Variants in CTNNA3 observed in about 807,000 individuals in gnomAD.
The protein encoded by CTNNA3 is catenin alpha-3.
A neutral mutation model predicts 95.7 loss-of-function variants in CTNNA3; 76 were observed. That is an observed-to-expected ratio of 0.79 (90% CI 0.66 to 0.96). The LOEUF is 0.96. Ranked by LOEUF, CTNNA3 falls within the 40% of genes least tolerant of loss-of-function variation. The pLI, the probability that CTNNA3 is intolerant of heterozygous loss-of-function variation, is 0.00. For synonymous variants in CTNNA3, 431 were observed against 374.4 expected (o/e 1.15, Z -1.74); for missense variants, 1,191 against 1,089.8 (o/e 1.09, Z -1.31).
At chr10:67,417,674 C>T (rs1309430503) in intron 5 of CTNNA3, among the ~76,000 whole-genome samples, 1 of 151,302 alleles carries the variant, frequency 6.6e-6, no homozygotes, top group Non-Finnish European at 1.5e-5. Context: ...AATTTAAATC[C>T]AATTTAAATT....
chr10:66,201,637 C>T (rs997209387), intron 13 of CTNNA3, among the ~76,000 whole-genome samples: 9 of 152,046 alleles, frequency 5.9e-5, no homozygotes, highest in Non-Finnish European at 1.0e-4. Context: ...TACGGTAATA[C>T]CCTTATTTCT....
intron 5 of CTNNA3, among the ~76,000 whole-genome samples, chr10:67,344,893 A>T (rs1157646851): frequency 6.6e-5 from 10 of 151,142 alleles, no homozygotes; most frequent in Non-Finnish European, 1.0e-4. Context: ...TGGGGTTTGC[A>T]TTTTCTCTCA....
At chr10:67,470,244 T>C (rs1193179346) in intron 5 of CTNNA3, among the ~76,000 whole-genome samples, 3 of 152,190 alleles carry the variant, frequency 2.0e-5, no homozygotes, top group Non-Finnish European at 4.4e-5. Context: ...CATAATAACC[T>C]CCAGTCCCAA....
intron 7 of CTNNA3, among the ~76,000 whole-genome samples, chr10:66,832,228 T>G (rs1178715951): frequency 6.6e-6 from 1 of 152,176 alleles, no homozygotes; most frequent in African/African-American, 2.4e-5. Flanking sequence ...TTGTTATTCT[T>G]ACAAAGAGAG....
At chr10:67,666,568 AAAAC>A (rs1840334492) in intron 1 of CTNNA3, among the ~76,000 whole-genome samples, 1 of 152,182 alleles carries the variant, frequency 6.6e-6, no homozygotes, top group African/African-American at 2.4e-5. Flanking sequence ...CCATATTTTA[AAAAC>A]AAACAAACAA....
At chr10:66,121,413 T>C (rs1162870523) in intron 13 of CTNNA3, among the ~76,000 whole-genome samples, 6 of 152,192 alleles carry the variant, frequency 3.9e-5, no homozygotes, top group Non-Finnish European at 8.8e-5. Context: ...TCCAGACTTT[T>C]AAAATTGCAC....
chr10:66,573,786 CA>C (rs147993812), intron 10 of CTNNA3, among the ~76,000 whole-genome samples: 2,941 of 152,188 alleles, frequency 0.019, 75 homozygotes, highest in African/African-American at 0.061. Flanking sequence ...ATAACCAAAA[CA>C]ATTTTTTAGC....
intron 5 of CTNNA3, among the ~76,000 whole-genome samples, chr10:67,430,469 T>C (rs1262792340): frequency 6.6e-6 from 1 of 151,920 alleles, no homozygotes; most frequent in Admixed American, 6.6e-5. Context: ...GATTAGGAAC[T>C]TCTACTCCAA....
chr10:66,424,781 CTT>C (rs1301982748), intron 11 of CTNNA3, among the ~76,000 whole-genome samples: 1 of 151,952 alleles, frequency 6.6e-6, no homozygotes. Context: ...TTAATTAAGA[CTT>C]TGGGATGACT....
At chr10:67,618,501 C>G (rs537051568) in intron 2 of CTNNA3, among the ~76,000 whole-genome samples, 9 of 152,072 alleles carry the variant, frequency 5.9e-5, no homozygotes, top group Non-Finnish European at 1.2e-4. Flanking sequence ...TCTGCATTTC[C>G]CTCCCACTAT....
At chr10:67,740,581 C>G (rs1031243416) in intron 1 of CTNNA3, among the ~76,000 whole-genome samples, 2 of 151,406 alleles carry the variant, frequency 1.3e-5, no homozygotes, top group Admixed American at 6.6e-5. Flanking sequence ...CTGGCCATCA[C>G]AGAAATGCAA....
At chr10:66,914,731 C>T (rs1185359176) in intron 7 of CTNNA3, among the ~76,000 whole-genome samples, 3 of 152,098 alleles carry the variant, frequency 2.0e-5, no homozygotes, top group Non-Finnish European at 2.9e-5. Flanking sequence ...TAAAAGGCCA[C>T]GTAGTAAATA....
At chr10:66,151,571 T>C (rs1323813323) in intron 13 of CTNNA3, among the ~76,000 whole-genome samples, 2 of 151,948 alleles carry the variant, frequency 1.3e-5, no homozygotes, top group African/African-American at 4.8e-5. Flanking sequence ...AAAGGATTTC[T>C]TCACTTACAA....
At chr10:66,467,282 G>A (rs770260137) in intron 11 of CTNNA3, among the ~76,000 whole-genome samples, 1 of 152,044 alleles carries the variant, frequency 6.6e-6, no homozygotes, top group Non-Finnish European at 1.5e-5. Flanking sequence ...AAACACAAGA[G>A]AGTAGGTCCT....
At chr10:66,351,188 C>A (rs1424232242) in intron 12 of CTNNA3, among the ~76,000 whole-genome samples, 1 of 151,996 alleles carries the variant, frequency 6.6e-6, no homozygotes, top group African/African-American at 2.4e-5. Context: ...ATTAATCTTT[C>A]TGAGGATACA....
At chr10:66,574,350 A>G (rs1054560039) in intron 10 of CTNNA3, among the ~76,000 whole-genome samples, 2 of 152,256 alleles carry the variant, frequency 1.3e-5, no homozygotes, top group East Asian at 1.9e-4. Flanking sequence ...CCAGAAAGAT[A>G]TGAAAGGTGA....
At chr10:67,718,619 G>A (rs970925374) in intron 1 of CTNNA3, among the ~76,000 whole-genome samples, 1 of 152,124 alleles carries the variant, frequency 6.6e-6, no homozygotes, top group Non-Finnish European at 1.5e-5. Context: ...TTATTGATTT[G>A]CATATGTTGA....
At chr10:67,169,176 T>C (rs925309796) in intron 7 of CTNNA3, among the ~76,000 whole-genome samples, 4 of 152,180 alleles carry the variant, frequency 2.6e-5, no homozygotes, top group Non-Finnish European at 4.4e-5. Flanking sequence ...TGCTCATAGA[T>C]AGGAAGAATC....
chr10:67,191,667 A>G (rs1863125954), intron 6 of CTNNA3, among the ~76,000 whole-genome samples: 2 of 151,918 alleles, frequency 1.3e-5, no homozygotes, highest in African/African-American at 2.4e-5. Flanking sequence ...TTAAATGTCT[A>G]TATTACCCAA....
Sources: allele counts gnomAD v4.1 joint callset (sites outside exome capture counted in the v4.1 genomes callset), GRCh38; gene constraint gnomAD v4.1.1; transcripts MANE v1.5; gene names NCBI Gene and HGNC (gene_info 2026-07-23, HGNC 2026-07-21).